Variants in NRXN3 observed in about 807,000 individuals in gnomAD.
NRXN3 encodes the protein neurexin 3.
Under a neutral mutation model 137.6 loss-of-function variants are expected in NRXN3, and 32 were observed. The ratio of observed to expected loss-of-function variants is 0.23; its 90% CI spans 0.18 to 0.31. The LOEUF is 0.31. Ranked by LOEUF, NRXN3 falls within the 10% of genes least tolerant of loss-of-function variation. NRXN3 has a pLI of 1.00. For missense variants in NRXN3, 1,574 were observed against 2,062.5 expected (o/e 0.76, Z 4.59); for synonymous variants, 798 against 784.5 (o/e 1.02, Z -0.29).
In NRXN3 at chr14:78,401,681, T is replaced by C. The variant is rs1312246685; in HGVS notation, c.757+103821T>C. On this transcript the variant is annotated intron_variant, in intron 4 of 20. Transcript: ENST00000335750. The stretch of plus-strand genomic sequence containing the variant: ...TCAATTCATAAATCAAAGGCAGATA[T>C]TATGCTCCTTTGCTTGAACAAATAG... Among the ~76,000 whole-genome samples the C allele has an allele frequency of 2.0e-5, 3 of 152,328 alleles. 1 individual carries two copies. The East Asian group carries it at 5.8e-4, about 29-fold the overall frequency.
At chr14:78,600,092 AG>A (rs1308416441) in intron 4 of NRXN3, among the ~76,000 whole-genome samples, 3 of 152,080 alleles carry the variant, frequency 2.0e-5, no homozygotes, top group South Asian at 2.1e-4. Flanking sequence ...CAGGTGACCG[AG>A]GGGGGCAGAG....
intron 6 of NRXN3, among the ~76,000 whole-genome samples, chr14:78,678,733 A>G (rs1255927053): frequency 6.6e-6 from 1 of 152,168 alleles, no homozygotes; most frequent in East Asian, 1.9e-4. Context: ...ACATATGCCT[A>G]AAGTTCCCAT....
chr14:78,447,695 G>A (rs991190081), intron 4 of NRXN3, among the ~76,000 whole-genome samples: 1 of 152,186 alleles, frequency 6.6e-6, no homozygotes, highest in African/African-American at 2.4e-5. Flanking sequence ...CAGAATAGTT[G>A]CAATCTCCCT....
chr14:79,680,894 CT>C (rs2098666886), intron 17 of NRXN3, among the ~76,000 whole-genome samples: 1 of 152,106 alleles, frequency 6.6e-6, no homozygotes, highest in African/African-American at 2.4e-5. Context: ...CTTTAGGGAG[CT>C]ACTTAACTCT....
intron 15 of NRXN3, among the ~76,000 whole-genome samples, chr14:79,213,935 G>A (rs10133387): frequency 0.82 from 125,380 of 152,190 alleles, 52,320 homozygotes; most frequent in Admixed American, 0.89. Context: ...GATTCTAAGA[G>A]ATCAGTCATA....
chr14:79,513,332 C>G (rs2096951190), intron 16 of NRXN3, among the ~76,000 whole-genome samples: 1 of 152,068 alleles, frequency 6.6e-6, no homozygotes, highest in African/African-American at 2.4e-5. Context: ...CTAAAATTAT[C>G]AAGAGTTGGT....
At chr14:78,536,528 A>G (rs1322278916) in intron 4 of NRXN3, among the ~76,000 whole-genome samples, 1 of 152,196 alleles carries the variant, frequency 6.6e-6, no homozygotes, top group Non-Finnish European at 1.5e-5. Context: ...AGAACTGGTT[A>G]TAATAGAACT....
At chr14:79,037,730 C>G (rs1201308033) in intron 15 of NRXN3, among the ~76,000 whole-genome samples, 1 of 133,912 alleles carries the variant, frequency 7.5e-6, no homozygotes, top group Non-Finnish European at 1.6e-5. Context: ...AGAGCCATTG[C>G]CAAGGCCAGT....
chr14:78,582,788 C>G (rs1015197658), intron 4 of NRXN3, among the ~76,000 whole-genome samples: 1 of 152,212 alleles, frequency 6.6e-6, no homozygotes, highest in East Asian at 1.9e-4. Flanking sequence ...AGACAATAAC[C>G]CATCCACACG....
chr14:78,894,396 A>G (rs2099167625), intron 10 of NRXN3, among the ~76,000 whole-genome samples: 1 of 151,938 alleles, frequency 6.6e-6, no homozygotes, highest in Non-Finnish European at 1.5e-5. Context: ...CATCTATAGA[A>G]GCAACTCTTA....
intron 15 of NRXN3, among the ~76,000 whole-genome samples, chr14:79,346,344 G>A (rs972320173): frequency 3.9e-5 from 6 of 152,136 alleles, no homozygotes; most frequent in Admixed American, 6.5e-5. Context: ...TCACCTGAAC[G>A]CGGGAGGTGG....
intron 4 of NRXN3, among the ~76,000 whole-genome samples, chr14:78,549,266 A>G (rs1451340825): frequency 6.6e-6 from 1 of 152,134 alleles, no homozygotes; most frequent in African/African-American, 2.4e-5. Context: ...GCACCTAGTA[A>G]ATGAGTCTTC....
chr14:79,034,369 C>CACAT, intron 15 of NRXN3, among the ~76,000 whole-genome samples: 1 of 151,868 alleles, frequency 6.6e-6, no homozygotes, highest in African/African-American at 2.4e-5. Flanking sequence ...CACACACACA[C>CACAT]ACACACACAG....
intron 4 of NRXN3, among the ~76,000 whole-genome samples, chr14:78,560,790 G>A (rs759411720): frequency 2.9e-4 from 44 of 152,156 alleles, no homozygotes; most frequent in Non-Finnish European, 5.3e-4. Flanking sequence ...ATTCCCTACC[G>A]CTTTTGGCTT....
intron 15 of NRXN3, among the ~76,000 whole-genome samples, chr14:79,323,867 A>C (rs561123999): frequency 6.6e-6 from 1 of 152,350 alleles, no homozygotes; most frequent in Non-Finnish European, 1.5e-5. Context: ...CAAAAAAAAA[A>C]AATTATATAG....
chr14:78,258,831 G>A (rs2070146556), intron 2 of NRXN3, among the ~76,000 whole-genome samples: 1 of 152,120 alleles, frequency 6.6e-6, no homozygotes, highest in South Asian at 2.1e-4. Context: ...AGTGAGGTCT[G>A]TTCATTTAAG....
intron 4 of NRXN3, among the ~76,000 whole-genome samples, chr14:78,452,070 A>G (rs1394513809): frequency 1.3e-5 from 2 of 152,198 alleles, no homozygotes; most frequent in East Asian, 3.9e-4. Flanking sequence ...TAATATAATA[A>G]ATATAGCTGA....
At chr14:78,982,831 T>G (rs8007232) in intron 14 of NRXN3, among the ~76,000 whole-genome samples, 2 of 152,038 alleles carry the variant, frequency 1.3e-5, no homozygotes, top group Non-Finnish European at 2.9e-5. Context: ...AGAAAACAAT[T>G]AATAGAGTGA....
chr14:79,048,062 A>G (rs1193180542), intron 15 of NRXN3, among the ~76,000 whole-genome samples: 1 of 150,984 alleles, frequency 6.6e-6, no homozygotes, highest in South Asian at 2.1e-4. Flanking sequence ...GTATATTCCT[A>G]TGATGGAATA....
Sources: allele counts gnomAD v4.1 joint callset (sites outside exome capture counted in the v4.1 genomes callset), GRCh38; gene constraint gnomAD v4.1.1; transcripts MANE v1.5; gene names NCBI Gene and HGNC (gene_info 2026-07-23, HGNC 2026-07-21).